The following IRAK2 variants were observed in gnomAD, a reference collection of about 807,000 sequenced individuals.
IRAK2 encodes interleukin-1 receptor-associated kinase-like 2.
In IRAK2, 57 loss-of-function variants were observed where a neutral mutation model predicts 72.0. That is an observed-to-expected ratio of 0.79 (90% CI 0.64 to 0.99). IRAK2 has a LOEUF of 0.99. Ranked by LOEUF, IRAK2 falls within the 50% of genes least tolerant of loss-of-function variation. The probability of loss-of-function intolerance (pLI) is 0.00; values close to 1 mark genes in which losing one functional copy is unlikely to be tolerated. For missense variants in IRAK2, 790 were observed against 794.4 expected (o/e 0.99, Z 0.07); for synonymous variants, 293 against 312.7 (o/e 0.94, Z 0.67).
intron 12 of IRAK2, among the ~76,000 whole-genome samples, chr3:10,239,849 C>T (rs1248835052): frequency 6.6e-6 from 1 of 151,976 alleles, no homozygotes; most frequent in Non-Finnish European, 1.5e-5. Context: ...CCAGTCACTT[C>T]TAAAGATATC....
intron 3 of IRAK2, among the ~76,000 whole-genome samples, chr3:10,208,749 G>C (rs796902884): frequency 6.6e-6 from 1 of 151,432 alleles, no homozygotes; most frequent in Non-Finnish European, 1.5e-5. Context: ...GGCAACAGAG[G>C]GAGACTCCAT....
At chr3:10,183,608 C>A (rs1244425506) in intron 2 of IRAK2, among the ~76,000 whole-genome samples, 1 of 152,136 alleles carries the variant, frequency 6.6e-6, no homozygotes, top group African/African-American at 2.4e-5. Flanking sequence ...GTAGTCCCAG[C>A]TACTCAGGAG....
intron 10 of IRAK2, among the ~76,000 whole-genome samples, chr3:10,230,423 A>T (rs1337881559): frequency 6.6e-6 from 1 of 152,064 alleles, no homozygotes; most frequent in Non-Finnish European, 1.5e-5. Context: ...CCTGGGCTCA[A>T]GGGATCCTCC....
chr3:10,194,623 A>G (rs1359203539), intron 2 of IRAK2, among the ~76,000 whole-genome samples: 6 of 152,050 alleles, frequency 3.9e-5, no homozygotes, highest in South Asian at 4.2e-4. Context: ...GCGTCTTTCT[A>G]GCTAGCAGGG....
In IRAK2 at chr3:10,243,292, C is replaced by G. The variant is rs1237163945; in HGVS notation, c.*1064C>G. On this transcript the variant is annotated 3_prime_UTR_variant, in exon 13 of 13. Transcript: ENST00000256458. The stretch of plus-strand genomic sequence containing the variant: ...TCGTGATCTGCCCGCCTTGGCCTAT[C>G]AAAGTGTTGGGATTACAGGCTTGAG... 6.6e-6 allele frequency: 1 copy of G among 152,610 alleles called. No homozygotes were observed. The highest frequency in any genetic ancestry group is 1.5e-5 in the Non-Finnish European group (1 of 68,058). 9.5% of individuals were successfully genotyped at this position (152,610 alleles called of 1,614,324 possible).
chr3:10,236,804 A>G (rs970093916), intron 11 of IRAK2, among the ~76,000 whole-genome samples: 3 of 152,260 alleles, frequency 2.0e-5, no homozygotes, highest in Non-Finnish European at 4.4e-5. Context: ...TGAAACTGCT[A>G]TAACAAGGAG....
At chr3:10,209,421 G>A (rs1362013299) in intron 3 of IRAK2, among the ~76,000 whole-genome samples, 168 bp from the exon 4 acceptor site, 1 of 152,200 alleles carries the variant, frequency 6.6e-6, no homozygotes. Context: ...CTTATCCTGA[G>A]GTGATGCTTG....
At chr3:10,223,847 C>T (rs1191678752) in intron 9 of IRAK2, among the ~76,000 whole-genome samples, 4 of 152,194 alleles carry the variant, frequency 2.6e-5, no homozygotes, top group African/African-American at 7.2e-5. Context: ...CTCTGTACTT[C>T]CTCTCTCTGA....
chr3:10,191,731 A>G (rs1232787375), intron 2 of IRAK2, among the ~76,000 whole-genome samples: 1 of 152,084 alleles, frequency 6.6e-6, no homozygotes, highest in South Asian at 2.1e-4. Flanking sequence ...TGGCCAGCCT[A>G]TGGAAGTAGG....
chr3:10,187,994 C>T (rs1324457390), intron 2 of IRAK2, among the ~76,000 whole-genome samples: 1 of 152,166 alleles, frequency 6.6e-6, no homozygotes, highest in East Asian at 1.9e-4. Flanking sequence ...TTCCAGATGA[C>T]CAGGCTTAGG....
At chr3:10,233,076 G>A (rs961156472) in intron 10 of IRAK2, among the ~76,000 whole-genome samples, 2 of 152,054 alleles carry the variant, frequency 1.3e-5, no homozygotes, top group Admixed American at 6.6e-5. Context: ...TTGAGACGGA[G>A]TCTCACTCTG....
At chr3:10,206,640 CT>C (rs763722917) in intron 3 of IRAK2, among the ~76,000 whole-genome samples, 2 of 152,074 alleles carry the variant, frequency 1.3e-5, no homozygotes, top group Non-Finnish European at 2.9e-5. Context: ...ACTGCAACCT[CT>C]GCCTCCCAGG....
chr3:10,165,918 C>T (rs1259051817), intron 1 of IRAK2, among the ~76,000 whole-genome samples: 1 of 151,964 alleles, frequency 6.6e-6, no homozygotes, highest in Non-Finnish European at 1.5e-5. Flanking sequence ...TTAGTAGAGA[C>T]GGGGTTTCAC....
rs912351055 is a variant in IRAK2 at position 10,213,331 on chromosome 3, A to C, written c.653A>C (p.Gln218Pro). 3 of 1,614,152 alleles carry C rather than the reference A, an allele frequency of 1.9e-6. No individual in the cohort carries two copies. Among genetic ancestry groups the C allele is most frequent in the Admixed American group, 3.3e-5 (2 of 60,002 alleles). ...TTCAATCAAAACCGCAAAATCAGCC[A>C]GGGGACCTTTGCTGACGTCTACAGA... is the stretch of plus-strand genomic sequence containing the variant. ...DDFNQNRKIS[Q>P]GTFADVYRGH... Residue 218 changes from glutamine (Q) to proline (P), a missense_variant, in exon 5 of 13, where the codon CAG becomes CCG. Coordinates refer to ENST00000256458, the MANE Select transcript of IRAK2 (RefSeq NM_001570.4).
chr3:10,219,886 T>C, intron 8 of IRAK2, 97 bp downstream of exon 8: 2 of 781,916 alleles, frequency 2.6e-6, no homozygotes, highest in South Asian at 3.0e-5. Context: ...CTCACCCCTG[T>C]CCTCTTTGTT....
At chr3:10,182,969 A>C (rs1696984644) in intron 2 of IRAK2, among the ~76,000 whole-genome samples, 1 of 150,232 alleles carries the variant, frequency 6.7e-6, no homozygotes, top group African/African-American at 2.5e-5. Context: ...ATGGGGTTTC[A>C]CCATGTTGGC....
chr3:10,228,016 A>G (rs1004610827), intron 10 of IRAK2, among the ~76,000 whole-genome samples: 2 of 151,928 alleles, frequency 1.3e-5, no homozygotes, highest in African/African-American at 4.8e-5. Flanking sequence ...CGAATTCAGT[A>G]TTATCATTCC....
chr3:10,191,934 C>G (rs1033571876), intron 2 of IRAK2, among the ~76,000 whole-genome samples: 1 of 152,030 alleles, frequency 6.6e-6, no homozygotes, highest in African/African-American at 2.4e-5. Flanking sequence ...AGGTGGAGTA[C>G]AAGTTCAGTG....
intron 3 of IRAK2, among the ~76,000 whole-genome samples, chr3:10,204,051 A>C (rs1198277895): frequency 6.6e-6 from 1 of 152,246 alleles, no homozygotes; most frequent in East Asian, 1.9e-4. Flanking sequence ...CCTTAGCTGT[A>C]GGAGAGGCCA....
Sources: allele counts gnomAD v4.1 joint callset (sites outside exome capture counted in the v4.1 genomes callset), GRCh38; gene constraint gnomAD v4.1.1; transcripts MANE v1.5; gene names NCBI Gene and HGNC (gene_info 2026-07-23, HGNC 2026-07-21).